The following YPEL2 variants were observed in gnomAD, a reference collection of about 807,000 sequenced individuals.
YPEL2 encodes yippee like 2.
A neutral mutation model predicts 19.1 loss-of-function variants in YPEL2; 2 were observed. The observed-to-expected ratio is 0.10, with a 90% confidence interval of 0.04 to 0.33. The LOEUF is 0.33. Among genes scored for constraint, YPEL2 ranks in the 10% least tolerant of loss-of-function variants. The probability of loss-of-function intolerance (pLI) is 1.00; values close to 1 mark genes in which losing one functional copy is unlikely to be tolerated. For missense variants in YPEL2, 66 were observed against 140.7 expected (o/e 0.47, Z 2.68); for synonymous variants, 52 against 50.0 (o/e 1.04, Z -0.17).
At chr17:59,365,774 C>G (rs2047865729) in intron 2 of YPEL2, among the ~76,000 whole-genome samples, 1 of 152,110 alleles carries the variant, frequency 6.6e-6, no homozygotes, top group Non-Finnish European at 1.5e-5. Context: ...CCTCCTCTCC[C>G]TGGCTTATTG....
rs936907117 is a variant in YPEL2, at chr17:59,331,671, C to T, written c.-349C>T. 14 of 153,336 alleles carry T rather than the reference C, an allele frequency of 9.1e-5. No homozygotes were observed. Among genetic ancestry groups the T allele is most frequent in the African/African-American group, 3.1e-4 (13 of 41,488 alleles). 9.5% of individuals were successfully genotyped at this position (153,336 alleles called of 1,614,324 possible). A position where few individuals can be genotyped will look rare whatever the true frequency, so the allele number is the denominator to read the frequency against. ...TCACGGGGTAGCCCCCGGCCCGGAC[C>T]CGGAGGGATGCGGAGTGGCGGCCGC... On this transcript the variant is annotated 5_prime_UTR_variant, in exon 1 of 5. Coordinates refer to ENST00000312655, the MANE Select transcript of YPEL2 (RefSeq NM_001005404.4).
At chr17:59,375,600 G>C (rs1379069825) in intron 2 of YPEL2, among the ~76,000 whole-genome samples, 2 of 152,138 alleles carry the variant, frequency 1.3e-5, no homozygotes, top group African/African-American at 4.8e-5. Flanking sequence ...CCGTTCACTC[G>C]AGTGATCAAG....
At chr17:59,388,190 G>T (rs546347514) in intron 2 of YPEL2, 137 bp from the exon 3 acceptor site, 2 of 821,260 alleles carry the variant, frequency 2.4e-6, no homozygotes, top group Admixed American at 3.5e-5. Flanking sequence ...ATCTGCCAGC[G>T]GGACCGTTAA....
intron 2 of YPEL2, chr17:59,354,851 G>A (rs2047804545): frequency 6.6e-6 from 1 of 152,146 alleles, no homozygotes. Context: ...TCGAATTTTG[G>A]GGAACCCCTT....
chr17:59,396,397 G>A (rs1443585008), intron 4 of YPEL2, among the ~76,000 whole-genome samples: 2 of 152,210 alleles, frequency 1.3e-5, no homozygotes, highest in African/African-American at 2.4e-5. Flanking sequence ...AAATTATAAT[G>A]TATATTCAGA....
intron 4 of YPEL2, among the ~76,000 whole-genome samples, chr17:59,390,987 A>G (rs1449720157): frequency 6.6e-6 from 1 of 152,266 alleles, no homozygotes; most frequent in Non-Finnish European, 1.5e-5. Context: ...AGCATATGTC[A>G]GTGAAAATTA....
intron 2 of YPEL2, among the ~76,000 whole-genome samples, chr17:59,378,489 T>C (rs1567753559): frequency 6.6e-6 from 1 of 151,916 alleles, no homozygotes; most frequent in African/African-American, 2.4e-5. Context: ...GGATTACAAG[T>C]GCACACCACC....
At chr17:59,375,761 A>G (rs2047917411) in intron 2 of YPEL2, among the ~76,000 whole-genome samples, 1 of 152,232 alleles carries the variant, frequency 6.6e-6, no homozygotes, top group Admixed American at 6.5e-5. Context: ...GAGCGAGAGA[A>G]TTAAATTTAG....
intron 2 of YPEL2, among the ~76,000 whole-genome samples, chr17:59,383,035 A>G (rs1342693911): frequency 6.6e-6 from 1 of 152,230 alleles, no homozygotes; most frequent in Non-Finnish European, 1.5e-5. Flanking sequence ...CAAGGGTTCA[A>G]ACCCCTCTGA....
chr17:59,396,035 T>C (rs9889979), intron 4 of YPEL2, among the ~76,000 whole-genome samples: 83,675 of 151,852 alleles, frequency 0.55, 23,838 homozygotes, highest in African/African-American at 0.68. Context: ...GAGCCGAGAT[T>C]GCACCACTGC....
At chr17:59,360,853 A>G (rs561063414) in intron 2 of YPEL2, among the ~76,000 whole-genome samples, 2 of 152,160 alleles carry the variant, frequency 1.3e-5, no homozygotes, top group African/African-American at 2.4e-5. Flanking sequence ...TTTTTTTGAT[A>G]TAAAGTCTCA....
intron 2 of YPEL2, among the ~76,000 whole-genome samples, chr17:59,375,759 G>T (rs557708052): frequency 1.3e-5 from 2 of 152,300 alleles, no homozygotes; most frequent in East Asian, 3.9e-4. Context: ...TTGAGCGAGA[G>T]AATTAAATTT....
At chr17:59,343,958 G>T (rs1402717331) in intron 1 of YPEL2, among the ~76,000 whole-genome samples, 2 of 152,130 alleles carry the variant, frequency 1.3e-5, no homozygotes, top group Non-Finnish European at 2.9e-5. Context: ...CAATGGGAGG[G>T]TGCATCTAGG....
chr17:59,386,566 G>T (rs894245690), intron 2 of YPEL2, among the ~76,000 whole-genome samples: 3 of 152,150 alleles, frequency 2.0e-5, no homozygotes, highest in Admixed American at 2.0e-4. Context: ...CTGGAGTGAA[G>T]GACATAATGG....
chr17:59,337,014 C>T (rs897168684), intron 1 of YPEL2, among the ~76,000 whole-genome samples: 7 of 152,126 alleles, frequency 4.6e-5, no homozygotes, highest in Admixed American at 1.3e-4. Flanking sequence ...TCAGCCCCTC[C>T]GTTGTTATTT....
chr17:59,342,423 A>AG (rs1239380864), intron 1 of YPEL2, among the ~76,000 whole-genome samples: 3 of 152,220 alleles, frequency 2.0e-5, no homozygotes, highest in Non-Finnish European at 2.9e-5. Flanking sequence ...GGACGAGGCC[A>AG]GGGGGAGGGT....
At position 59,391,831 on chromosome 17, in the gene YPEL2, C is replaced by T. The variant is rs1221167834; in HGVS notation, c.270+2363C>T. On this transcript the variant is annotated intron_variant, in intron 4 of 4. Coordinates refer to ENST00000312655, the MANE Select transcript of YPEL2 (RefSeq NM_001005404.4). ...AGGAGAATCGCTTGAACCCAGGAGG[C>T]GGAGGTTGCAGTGAGCCGAGATCAT... 5.3e-5 allele frequency among the ~76,000 whole-genome samples: 8 copies of T among 151,792 alleles called. No homozygotes were observed. The East Asian group carries it at 1.4e-3, about 26-fold the overall frequency.
rs1409347184 is a variant in YPEL2, at chr17:59,397,943, C to A, written c.*753C>A. ...GTCTCTGGGCAATCATCATCTTTGC[C>A]TCTAGCCACCGTAGATAAGGTGTGA... On this transcript the variant is annotated 3_prime_UTR_variant, in exon 5 of 5. Transcript: ENST00000312655. 6.6e-6 allele frequency: 1 copy of A among 152,188 alleles called. No homozygotes were observed. The highest frequency in any genetic ancestry group is 1.5e-5 in the Non-Finnish European group (1 of 68,094). The allele number at this position is 152,188 out of a possible 1,614,324, so 9.4% of individuals were successfully genotyped here. A position where few individuals can be genotyped will look rare whatever the true frequency, so the allele number is the denominator to read the frequency against.
intron 1 of YPEL2, among the ~76,000 whole-genome samples, chr17:59,349,419 C>A (rs1419789762): frequency 1.4e-5 from 2 of 147,118 alleles, no homozygotes; most frequent in Non-Finnish European, 3.0e-5. Context: ...GCTGCAACCT[C>A]CGCCTCCCAG....
Sources: allele counts gnomAD v4.1 joint callset (sites outside exome capture counted in the v4.1 genomes callset), GRCh38; gene constraint gnomAD v4.1.1; transcripts MANE v1.5; gene names NCBI Gene and HGNC (gene_info 2026-07-23, HGNC 2026-07-21).